Variants in DSCAM observed in about 807,000 individuals in gnomAD.
DSCAM encodes the protein cell adhesion molecule DSCAM.
Under a neutral mutation model 217.7 loss-of-function variants are expected in DSCAM, and 47 were observed. The observed-to-expected ratio is 0.22, with a 90% CI of 0.17 to 0.28. The LOEUF (loss-of-function observed/expected upper bound fraction) is 0.28, where lower values mean the gene tolerates loss of function less well. DSCAM is among the 10% of genes least tolerant of loss of function. The pLI, the probability that DSCAM is intolerant of heterozygous loss-of-function variation, is 1.00. For synonymous variants in DSCAM, 1,056 were observed against 1,015.3 expected (o/e 1.04, Z -0.76); for missense variants, 2,080 against 2,618.3 (o/e 0.79, Z 4.49).
chr21:40,445,058 T>C (rs572674478), intron 3 of DSCAM, among the ~76,000 whole-genome samples: 1 of 152,314 alleles, frequency 6.6e-6, no homozygotes, highest in South Asian at 2.1e-4. Context: ...GAGGGCATAT[T>C]CTGTGCTTCC....
At chr21:40,481,896 T>A (rs1452130402) in intron 3 of DSCAM, among the ~76,000 whole-genome samples, 1 of 152,228 alleles carries the variant, frequency 6.6e-6, no homozygotes, top group East Asian at 1.9e-4. Flanking sequence ...CTACAGCAAA[T>A]GAAAGGCAGA....
intron 3 of DSCAM, among the ~76,000 whole-genome samples, chr21:40,506,527 T>C (rs1008244669): frequency 3.3e-5 from 5 of 152,220 alleles, no homozygotes; most frequent in South Asian, 2.1e-4. Flanking sequence ...AGTGCTTAAA[T>C]GGTATTTGAT....
chr21:40,586,027 T>C (rs946719541), intron 3 of DSCAM, among the ~76,000 whole-genome samples: 2 of 152,176 alleles, frequency 1.3e-5, no homozygotes, highest in African/African-American at 4.8e-5. Context: ...CAGCTAATTT[T>C]TGTATTTTTA....
intron 3 of DSCAM, among the ~76,000 whole-genome samples, chr21:40,515,656 C>T (rs2076293672): frequency 6.6e-6 from 1 of 152,158 alleles, no homozygotes; most frequent in Non-Finnish European, 1.5e-5. Context: ...TTTTCTGACT[C>T]CTCACTCAAA....
intron 16 of DSCAM, among the ~76,000 whole-genome samples, chr21:40,145,857 A>G (rs1006272237): frequency 4.0e-5 from 6 of 151,534 alleles, no homozygotes; most frequent in Non-Finnish European, 1.5e-5. Context: ...AAAGTAAAAA[A>G]AGATATGCGA....
At chr21:40,031,192 G>C (rs557967930) in intron 32 of DSCAM, among the ~76,000 whole-genome samples, 14 of 152,128 alleles carry the variant, frequency 9.2e-5, no homozygotes, top group Admixed American at 7.9e-4. Context: ...CCAGTTCCTC[G>C]AGAGGTGGAA....
intron 8 of DSCAM, among the ~76,000 whole-genome samples, chr21:40,337,233 G>T (rs1335713073): frequency 6.6e-6 from 1 of 152,148 alleles, no homozygotes; most frequent in Non-Finnish European, 1.5e-5. Flanking sequence ...GCCACTTATT[G>T]GTTCCTGGAG....
At chr21:40,464,637 C>T (rs921477919) in intron 3 of DSCAM, among the ~76,000 whole-genome samples, 3 of 152,168 alleles carry the variant, frequency 2.0e-5, no homozygotes, top group Non-Finnish European at 2.9e-5. Context: ...CGACTTCTAC[C>T]CACTTTCCTC....
chr21:40,585,419 C>CAAA lies in DSCAM; in HGVS notation c.508+107388_508+107390dup, dbSNP rs71186946. 1.1e-3 allele frequency among the ~76,000 whole-genome samples: 95 copies of CAAA among 86,904 alleles called. 3 individuals carry two copies. The highest frequency in any genetic ancestry group is 3.0e-3 in the African/African-American group (74 of 25,078). 57.0% of individuals were successfully genotyped at this position (86,904 alleles called of 152,430 possible). A position where few individuals can be genotyped will look rare whatever the true frequency, so the allele number is the denominator to read the frequency against. ...TGGGCGACAGAGCAAGACTCCGTCTCAAAAAAAAAAAAAAAAAAAAAAAAG... is the reference window on the plus strand; with the variant it reads ...TGGGCGACAGAGCAAGACTCCGTCTCAAAAAAAAAAAAAAAAAAAAAAAAAAAG... On this transcript the variant is annotated intron_variant, in intron 3 of 32. Transcript: ENST00000400454.
intron 1 of DSCAM, among the ~76,000 whole-genome samples, chr21:40,738,875 A>AG (rs1159378782): frequency 1.3e-5 from 2 of 152,160 alleles, no homozygotes; most frequent in Non-Finnish European, 2.9e-5. Context: ...GCCATCCCTC[A>AG]GCAGGGGCGA....
At chr21:40,731,972 G>C (rs1240796567) in intron 1 of DSCAM, among the ~76,000 whole-genome samples, 1 of 152,066 alleles carries the variant, frequency 6.6e-6, no homozygotes, top group Non-Finnish European at 1.5e-5. Context: ...TGATCCACCT[G>C]CTTTGGCCTC....
At chr21:40,196,274 C>A (rs976074245) in intron 11 of DSCAM, among the ~76,000 whole-genome samples, 1 of 152,128 alleles carries the variant, frequency 6.6e-6, no homozygotes. Flanking sequence ...AACCTCCTGC[C>A]GCTGGGACTG....
intron 10 of DSCAM, among the ~76,000 whole-genome samples, chr21:40,290,620 CAAAAATAAAAAAA>C (rs1353225769): frequency 6.6e-6 from 1 of 151,876 alleles, no homozygotes; most frequent in Non-Finnish European, 1.5e-5. Context: ...GACTCCATCA[CAAAAATAAAAAAA>C]GAAAATAAAC....
In DSCAM at chr21:40,502,398, C is replaced by T. The variant is rs377068043; in HGVS notation, c.509-133153G>A. On this transcript the variant is annotated intron_variant, in intron 3 of 32. Coordinates refer to ENST00000400454, the MANE Select transcript of DSCAM (RefSeq NM_001389.5). ...TGCTGCTGTAACAAATCGCCACAAA[C>T]TTGATGACATAAAAGAATACCAAGG... Among the ~76,000 whole-genome samples the T allele has an allele frequency of 2.1e-3, 325 of 152,204 alleles. 6 individuals are homozygous for T. The highest frequency in any genetic ancestry group is 7.6e-3 in the African/African-American group (315 of 41,520).
chr21:40,272,221 T>C (rs890323990), intron 11 of DSCAM, among the ~76,000 whole-genome samples: 15 of 152,232 alleles, frequency 9.9e-5, no homozygotes, highest in African/African-American at 3.6e-4. Context: ...CCAAATTTGA[T>C]TGCAAGCAGA....
intron 11 of DSCAM, among the ~76,000 whole-genome samples, chr21:40,197,992 T>C (rs527657512): frequency 1.3e-5 from 2 of 152,248 alleles, no homozygotes; most frequent in Admixed American, 1.3e-4. Flanking sequence ...CCTGACTGTC[T>C]TCAAGCCTGA....
At chr21:40,735,110 A>G (rs923276832) in intron 1 of DSCAM, among the ~76,000 whole-genome samples, 1 of 152,208 alleles carries the variant, frequency 6.6e-6, no homozygotes, top group Non-Finnish European at 1.5e-5. Flanking sequence ...GCCTGTACAT[A>G]TATGTTATTT....
chr21:40,794,183 C>T (rs1413216820), intron 1 of DSCAM, among the ~76,000 whole-genome samples: 2 of 152,048 alleles, frequency 1.3e-5, no homozygotes, highest in African/African-American at 4.8e-5. Context: ...GCACACTCTT[C>T]GTCTATCAAA....
chr21:40,175,787 A>ACG (rs1473161826), intron 15 of DSCAM, among the ~76,000 whole-genome samples: 1 of 99,868 alleles, frequency 1.0e-5, no homozygotes, highest in African/African-American at 4.0e-5. Context: ...ACATACACAC[A>ACG]CACACACACA....
Sources: gnomAD v4.1 joint callset for allele counts (sites outside exome capture counted in the v4.1 genomes callset) on GRCh38, gnomAD v4.1.1 for gene constraint, MANE v1.5 for transcripts, NCBI Gene and HGNC (gene_info 2026-07-23, HGNC 2026-07-21) for gene names.